The following SEMA3C variants were observed in gnomAD, a reference collection of about 807,000 sequenced individuals.
SEMA3C encodes the protein semaphorin-3C.
SEMA3C carries 47 observed loss-of-function variants against 89.4 expected under a neutral mutation model. The ratio of observed to expected loss-of-function variants is 0.53; its 90% CI spans 0.42 to 0.67. The LOEUF is 0.67. Ranked by LOEUF, SEMA3C falls within the 30% of genes least tolerant of loss-of-function variation. The probability of loss-of-function intolerance (pLI) is 0.00; values close to 1 mark genes in which losing one functional copy is unlikely to be tolerated. For synonymous variants in SEMA3C, 310 were observed against 320.2 expected (o/e 0.97, Z 0.34); for missense variants, 839 against 929.1 (o/e 0.90, Z 1.26).
chr7:80,746,783 T>A (rs1787812084), intron 17 of SEMA3C, among the ~76,000 whole-genome samples: 1 of 144,608 alleles, frequency 6.9e-6, no homozygotes, highest in Non-Finnish European at 1.5e-5. Flanking sequence ...TTTGGAGAAA[T>A]ATATAACTCT....
At chr7:80,820,146 C>G (rs2115771047) in intron 4 of SEMA3C, among the ~76,000 whole-genome samples, 1 of 151,104 alleles carries the variant, frequency 6.6e-6, no homozygotes, top group Non-Finnish European at 1.5e-5. Flanking sequence ...CAACCTCTGC[C>G]TCCTGGGTTC....
At chr7:80,753,207 C>G (rs1787978012) in intron 15 of SEMA3C, among the ~76,000 whole-genome samples, 1 of 152,094 alleles carries the variant, frequency 6.6e-6, no homozygotes, top group Non-Finnish European at 1.5e-5. Context: ...AAGTGTTAGC[C>G]ACTTTCATCT....
chr7:80,919,372 CTGGG>C, upstream of SEMA3C: 1 of 985,328 alleles, frequency 1.0e-6, no homozygotes, highest in Non-Finnish European at 1.2e-6. Flanking sequence ...GAGCAACTTG[CTGGG>C]TGCGCTCCAC....
chr7:80,788,164 A>G lies in SEMA3C; in HGVS notation c.1354+1142T>C, dbSNP rs375415460. On this transcript the variant is annotated intron_variant, in intron 12 of 17. Coordinates refer to ENST00000265361, the MANE Select transcript of SEMA3C (RefSeq NM_006379.5). ...ACGAGTGCAATTTATCCCTTGATCC[A>G]GAACACATATTCCACCACTGCCATA... Among the ~76,000 whole-genome samples, 3 of 152,350 alleles carry G rather than the reference A, an allele frequency of 2.0e-5. No homozygotes were observed. The East Asian group carries it at 5.8e-4, about 29-fold the overall frequency.
chr7:80,872,781 C>A (rs1299816494), intron 2 of SEMA3C, among the ~76,000 whole-genome samples: 4 of 115,622 alleles, frequency 3.5e-5, no homozygotes, highest in African/African-American at 3.4e-5. Flanking sequence ...AGCCTGGCAA[C>A]AGAGCGAGAC....
At chr7:80,753,266 C>T (rs1467796813) in intron 15 of SEMA3C, among the ~76,000 whole-genome samples, 1 of 152,150 alleles carries the variant, frequency 6.6e-6, no homozygotes, top group Non-Finnish European at 1.5e-5. Context: ...GCTCGCATAT[C>T]AAGTTTTTAC....
At chr7:80,872,767 C>G (rs1006085001) in intron 2 of SEMA3C, among the ~76,000 whole-genome samples, 2 of 142,246 alleles carry the variant, frequency 1.4e-5, no homozygotes, top group Non-Finnish European at 3.0e-5. Context: ...CACTACTGCA[C>G]TCCAGCCTGG....
chr7:80,845,742 G>A (rs1583934955), intron 2 of SEMA3C, among the ~76,000 whole-genome samples: 1 of 152,208 alleles, frequency 6.6e-6, no homozygotes, highest in Admixed American at 6.5e-5. Flanking sequence ...TTGAATGGTG[G>A]AAAACCATGG....
chr7:80,783,528 G>C (rs1192431177), intron 12 of SEMA3C, among the ~76,000 whole-genome samples: 1 of 152,176 alleles, frequency 6.6e-6, no homozygotes, highest in Non-Finnish European at 1.5e-5. Flanking sequence ...AAGCAAAGGA[G>C]ACGTCTAGAC....
chr7:80,754,289 C>A (rs17154380), intron 15 of SEMA3C, among the ~76,000 whole-genome samples: 22,343 of 152,060 alleles, frequency 0.15, 1,679 homozygotes, highest in South Asian at 0.21. Flanking sequence ...ATGATATTTA[C>A]CAACTTCATT....
At position 80,905,789 on chromosome 7, in the gene SEMA3C, G is replaced by A. The variant is rs539904979; in HGVS notation, c.103+10890C>T. The stretch of plus-strand genomic sequence containing the variant: ...TCTTTTATGGTATGCAGCAGGGTTT[G>A]CCTGGTGTAATATTTACATGGTTGG... On this transcript the variant is annotated intron_variant, in intron 2 of 17. Coordinates refer to ENST00000265361, the MANE Select transcript of SEMA3C (RefSeq NM_006379.5). 3.5e-5 allele frequency: 39 copies of A among 1,106,196 alleles called. No homozygotes were observed. The African/African-American group carries it at 6.1e-4, about 17-fold the overall frequency. 68.5% of individuals were successfully genotyped at this position (1,106,196 alleles called of 1,614,324 possible).
At chr7:80,910,385 T>C (rs922038617) in intron 2 of SEMA3C, among the ~76,000 whole-genome samples, 29 of 152,340 alleles carry the variant, frequency 1.9e-4, no homozygotes, top group Middle Eastern at 3.4e-3. Flanking sequence ...ACGTGGAACA[T>C]ACTTGCCATC....
At chr7:80,905,317 GGAGAGAGGGGGAGGGGT>G (rs1791986283) in intron 2 of SEMA3C, among the ~76,000 whole-genome samples, 3 of 51,700 alleles carry the variant, frequency 5.8e-5, no homozygotes, top group African/African-American at 8.1e-5. Flanking sequence ...GGAGAGAGGG[GGAGAGAGGGGGAGGGGT>G]GGAGAGAGAG....
At chr7:80,855,704 G>A (rs1790621460) in intron 2 of SEMA3C, among the ~76,000 whole-genome samples, 1 of 152,230 alleles carries the variant, frequency 6.6e-6, no homozygotes, top group East Asian at 1.9e-4. Context: ...TCTCAAGGCT[G>A]GATGACTCTA....
chr7:80,895,951 T>C (rs574242940), intron 2 of SEMA3C, among the ~76,000 whole-genome samples: 1 of 152,210 alleles, frequency 6.6e-6, no homozygotes, highest in African/African-American at 2.4e-5. Flanking sequence ...TTGTAGTTGC[T>C]CCTTAATTTG....
In SEMA3C at chr7:80,887,353, ATGTGAGTTTCTC is replaced by A. The variant is rs199863799; in HGVS notation, c.103+29314_103+29325del. The stretch of plus-strand genomic sequence containing the variant: ...GAAAAGCACGATTTATTGAAACTTT[ATGTGAGTTTCTC>A]TGTGAGTTTCTCTCATGAGTTTCTC... On this transcript the variant is annotated intron_variant, in intron 2 of 17. Coordinates refer to ENST00000265361, the MANE Select transcript of SEMA3C (RefSeq NM_006379.5). 6.5e-3 allele frequency among the ~76,000 whole-genome samples: 991 copies of A among 152,272 alleles called. 13 individuals carry two copies. Among genetic ancestry groups the A allele is most frequent in the African/African-American group, 0.022 (895 of 41,566 alleles).
chr7:80,783,513 C>T (rs569498176), intron 12 of SEMA3C, among the ~76,000 whole-genome samples: 4 of 152,248 alleles, frequency 2.6e-5, no homozygotes, highest in East Asian at 1.9e-4. Flanking sequence ...TTTTTCCTTA[C>T]GCCAAAGCAA....
intron 10 of SEMA3C, among the ~76,000 whole-genome samples, chr7:80,799,332 GATT>G (rs1355439649): frequency 6.6e-6 from 1 of 151,982 alleles, no homozygotes; most frequent in Non-Finnish European, 1.5e-5. Context: ...CTTTGTAGTT[GATT>G]GTCTAATCAA....
At chr7:80,752,958 G>C (rs1020645344) in intron 15 of SEMA3C, among the ~76,000 whole-genome samples, 14 of 151,986 alleles carry the variant, frequency 9.2e-5, no homozygotes, top group African/African-American at 2.2e-4. Flanking sequence ...AGCAAGAACA[G>C]AAATATTAAA....
Sources: allele counts gnomAD v4.1 joint callset (sites outside exome capture counted in the v4.1 genomes callset), GRCh38; gene constraint gnomAD v4.1.1; transcripts MANE v1.5; gene names NCBI Gene and HGNC (gene_info 2026-07-23, HGNC 2026-07-21).